The following ANKRD55 variants were observed in gnomAD, a reference collection of about 807,000 sequenced individuals.
The protein encoded by ANKRD55 is ankyrin repeat domain-containing protein 55.
ANKRD55 carries 41 observed loss-of-function variants against 60.6 expected under a neutral mutation model. The observed-to-expected ratio is 0.68, with a 90% CI of 0.53 to 0.88. The LOEUF is 0.88. Among genes scored for constraint, ANKRD55 ranks in the 40% least tolerant of loss-of-function variants. ANKRD55 has a pLI of 0.00. For missense variants in ANKRD55, 732 were observed against 767.6 expected (o/e 0.95, Z 0.55); for synonymous variants, 264 against 290.3 (o/e 0.91, Z 0.92).
intron 6 of ANKRD55, among the ~76,000 whole-genome samples, chr5:56,144,903 G>A (rs71624119): frequency 0.17 from 25,521 of 152,144 alleles, 2,705 homozygotes; most frequent in Middle Eastern, 0.32. Flanking sequence ...TCCATGAAAT[G>A]TATCTAGAAT....
In ANKRD55 at chr5:56,222,196, T is replaced by C. The variant is rs139548525; in HGVS notation, c.58+10660A>G. Among the ~76,000 whole-genome samples, 142 of 152,290 alleles carry C rather than the reference T, an allele frequency of 9.3e-4. 3 individuals are homozygous for C. In the Middle Eastern group the frequency reaches 0.027, roughly 29 times the overall value. On this transcript the variant is annotated intron_variant, in intron 2 of 11. Transcript: ENST00000341048. ...AACATTCGCCGTTCTGCAATATTTG[T>C]GGTTCTGCAGCCTCCGCTGGTGATA... is the stretch of plus-strand genomic sequence containing the variant.
At chr5:56,176,675 G>C (rs1758744960) in intron 3 of ANKRD55, among the ~76,000 whole-genome samples, 1 of 152,152 alleles carries the variant, frequency 6.6e-6, no homozygotes, top group Non-Finnish European at 1.5e-5. Context: ...ACTTTTATAG[G>C]GGGTGGCAGG....
chr5:56,212,609 A>G (rs986690380), intron 2 of ANKRD55, among the ~76,000 whole-genome samples: 1 of 152,228 alleles, frequency 6.6e-6, no homozygotes, highest in Middle Eastern at 3.2e-3. Flanking sequence ...CAGCAACTTT[A>G]TGAAGTAGGT....
chr5:56,179,112 AAACT>A (rs1190431420), intron 3 of ANKRD55, among the ~76,000 whole-genome samples: 1 of 152,222 alleles, frequency 6.6e-6, no homozygotes, highest in Non-Finnish European at 1.5e-5. Context: ...ATGAAGAACT[AAACT>A]AACAAGAAAT....
chr5:56,185,707 T>A (rs1157152383), intron 2 of ANKRD55, among the ~76,000 whole-genome samples: 1 of 152,144 alleles, frequency 6.6e-6, no homozygotes, highest in Admixed American at 6.5e-5. Flanking sequence ...AAGGTTTTTT[T>A]AAGTTGTGTT....
At chr5:56,103,005 C>T (rs1183943421) in intron 10 of ANKRD55, among the ~76,000 whole-genome samples, 2 of 152,156 alleles carry the variant, frequency 1.3e-5, no homozygotes, top group Non-Finnish European at 1.5e-5. Context: ...TAGGAATTAT[C>T]TAAGAAGCTA....
intron 7 of ANKRD55, chr5:56,137,060 A>G (rs916501106): frequency 3.7e-6 from 3 of 813,546 alleles, no homozygotes; most frequent in Non-Finnish European, 4.4e-6. Flanking sequence ...TCACTTTACG[A>G]ACACTTGTGA....
intron 7 of ANKRD55, among the ~76,000 whole-genome samples, chr5:56,135,277 TCCCTGCC>T (rs1757538647): frequency 2.0e-5 from 2 of 99,268 alleles, no homozygotes; most frequent in African/African-American, 9.2e-5. Context: ...CCTCCCTCCC[TCCCTGCC>T]TGCCTGCTTG....
chr5:56,131,639 T>A (rs759372859), intron 7 of ANKRD55, among the ~76,000 whole-genome samples: 3 of 150,932 alleles, frequency 2.0e-5, no homozygotes, highest in Non-Finnish European at 3.0e-5. Context: ...CTGCTAAAAA[T>A]ACAAAAATTA....
At chr5:56,217,100 T>C (rs993321694) in intron 2 of ANKRD55, among the ~76,000 whole-genome samples, 4 of 152,230 alleles carry the variant, frequency 2.6e-5, no homozygotes, top group African/African-American at 9.6e-5. Context: ...TCATTTACCA[T>C]TCCAAAACCT....
At chr5:56,147,013 AAAC>A (rs558346062) in intron 6 of ANKRD55, among the ~76,000 whole-genome samples, 152 of 152,342 alleles carry the variant, frequency 1.0e-3, no homozygotes, top group African/African-American at 3.6e-3. Flanking sequence ...TATTCTCTTT[AAAC>A]AACCGCAAGA....
At chr5:56,164,380 G>A (rs1320579418) in intron 5 of ANKRD55, among the ~76,000 whole-genome samples, 1 of 152,152 alleles carries the variant, frequency 6.6e-6, no homozygotes, top group Non-Finnish European at 1.5e-5. Context: ...GCCTGTATTA[G>A]AGTGTGCTGC....
At chr5:56,113,164 C>A (rs1242066391) in intron 9 of ANKRD55, among the ~76,000 whole-genome samples, 1 of 152,208 alleles carries the variant, frequency 6.6e-6, no homozygotes, top group East Asian at 1.9e-4. Flanking sequence ...ATGGGGTCCA[C>A]TGAACCCTTG....
At chr5:56,136,330 T>C (rs772957841) in intron 7 of ANKRD55, among the ~76,000 whole-genome samples, 5 of 152,120 alleles carry the variant, frequency 3.3e-5, no homozygotes, top group Non-Finnish European at 7.4e-5. Flanking sequence ...CAAAGTTGGG[T>C]GACTGACACT....
chr5:56,174,285 G>A (rs1758687978), intron 4 of ANKRD55, among the ~76,000 whole-genome samples: 1 of 152,200 alleles, frequency 6.6e-6, no homozygotes, highest in South Asian at 2.1e-4. Context: ...TCTAGTCAAA[G>A]AAATGTAAAA....
intron 4 of ANKRD55, among the ~76,000 whole-genome samples, chr5:56,174,459 A>G (rs558136384): frequency 3.3e-5 from 5 of 152,186 alleles, no homozygotes; most frequent in Non-Finnish European, 7.3e-5. Flanking sequence ...TAGCAAGAGC[A>G]GTTCTTAAGG....
chr5:56,210,431 G>T (rs994101995), intron 2 of ANKRD55, among the ~76,000 whole-genome samples: 1 of 151,646 alleles, frequency 6.6e-6, no homozygotes, highest in African/African-American at 2.4e-5. Flanking sequence ...GTGCGGTGGC[G>T]GGCGCCTGTA....
intron 2 of ANKRD55, among the ~76,000 whole-genome samples, chr5:56,195,193 A>G (rs1179669224): frequency 6.6e-6 from 1 of 152,242 alleles, no homozygotes; most frequent in African/African-American, 2.4e-5. Flanking sequence ...CAGAATACCT[A>G]TTCAAGGCTG....
At position 56,126,914 on chromosome 5, in the gene ANKRD55, A is replaced by G. The variant is rs1323643254; in HGVS notation, c.797+8T>C. 3 of 1,593,286 alleles carry G rather than the reference A, an allele frequency of 1.9e-6. No individual in the cohort carries two copies. Among genetic ancestry groups the G allele is most frequent in the Admixed American group, 3.5e-5 (2 of 57,136 alleles). On this transcript the variant is annotated splice_region_variant and intron_variant, in intron 8 of 11. Transcript: ENST00000341048. ...AGTTTCCCAGCACTTTCTGGTTACC[A>G]TGGATACCTGTCATCCACATCCAGA...
Sources: allele counts gnomAD v4.1 joint callset (sites outside exome capture counted in the v4.1 genomes callset), GRCh38; gene constraint gnomAD v4.1.1; transcripts MANE v1.5; gene names NCBI Gene and HGNC (gene_info 2026-07-23, HGNC 2026-07-21).